The following EYS variants were observed in gnomAD, a reference collection of about 807,000 sequenced individuals.
EYS encodes protein eyes shut homolog.
EYS carries 250 observed loss-of-function variants against 282.1 expected under a neutral mutation model. The observed-to-expected ratio is 0.89, with a 90% CI of 0.80 to 0.98. EYS has a LOEUF of 0.98. Ranked by LOEUF, EYS falls within the 50% of genes least tolerant of loss-of-function variation. The pLI, the probability that EYS is intolerant of heterozygous loss-of-function variation, is 0.00. For synonymous variants in EYS, 1,355 were observed against 1,282.9 expected (o/e 1.06, Z -1.20); for missense variants, 4,016 against 3,709.0 (o/e 1.08, Z -2.15).
At chr6:65,269,099 G>A (rs982957265) in intron 12 of EYS, among the ~76,000 whole-genome samples, 14 of 152,044 alleles carry the variant, frequency 9.2e-5, no homozygotes. Context: ...TCTAGGCTCT[G>A]TTTGTCAGTA....
At chr6:64,581,202 G>T (rs1344758936) in intron 26 of EYS, among the ~76,000 whole-genome samples, 1 of 152,124 alleles carries the variant, frequency 6.6e-6, no homozygotes, top group African/African-American at 2.4e-5. Flanking sequence ...GAAAGAGAGT[G>T]ATGGGAAACA....
At chr6:64,542,159 TCAA>T (rs1364773294) in intron 26 of EYS, among the ~76,000 whole-genome samples, 1 of 152,090 alleles carries the variant, frequency 6.6e-6, no homozygotes, top group African/African-American at 2.4e-5. Context: ...GATGAGCAAA[TCAA>T]CAAGTTCAGT....
chr6:65,637,764 G>A (rs1373464386), intron 2 of EYS, among the ~76,000 whole-genome samples: 2 of 152,178 alleles, frequency 1.3e-5, no homozygotes, highest in Non-Finnish European at 2.9e-5. Context: ...GCTCCCTGCT[G>A]CCTCAGCCTC....
chr6:64,846,266 C>A (rs1394793976), intron 19 of EYS, among the ~76,000 whole-genome samples: 1 of 152,090 alleles, frequency 6.6e-6, no homozygotes, highest in East Asian at 1.9e-4. Flanking sequence ...GAAAGAACAG[C>A]TTTAAAATGT....
At chr6:65,006,139 T>C (rs2150130194) in intron 13 of EYS, among the ~76,000 whole-genome samples, 1 of 152,024 alleles carries the variant, frequency 6.6e-6, no homozygotes, top group Non-Finnish European at 1.5e-5. Flanking sequence ...GGCAGTTACG[T>C]GGGACCCGTT....
chr6:64,309,934 C>T (rs1769611566), intron 29 of EYS, among the ~76,000 whole-genome samples: 1 of 149,226 alleles, frequency 6.7e-6, no homozygotes, highest in Non-Finnish European at 1.5e-5. Context: ...CACTGCCCTC[C>T]AGCCTGGTGA....
chr6:64,766,631 CA>C (rs1173014436), intron 22 of EYS, among the ~76,000 whole-genome samples: 7 of 14,842 alleles, frequency 4.7e-4, no homozygotes, highest in African/African-American at 1.0e-3. Context: ...AACTCCGTCT[CA>C]AAAAAAAAAA....
intron 8 of EYS, among the ~76,000 whole-genome samples, chr6:65,380,957 G>A (rs1391628417): frequency 6.6e-6 from 1 of 151,868 alleles, no homozygotes; most frequent in African/African-American, 2.4e-5. Context: ...TCATTAAAAC[G>A]TGGAAATAAT....
At chr6:63,779,898 T>A (rs1770169013) in intron 39 of EYS, among the ~76,000 whole-genome samples, 1 of 152,028 alleles carries the variant, frequency 6.6e-6, no homozygotes, top group African/African-American at 2.4e-5. Flanking sequence ...CCCTCCGCAC[T>A]CCCCCGACCC....
intron 7 of EYS, among the ~76,000 whole-genome samples, chr6:65,391,902 G>C (rs1239151381): frequency 1.3e-5 from 2 of 152,068 alleles, no homozygotes; most frequent in African/African-American, 4.8e-5. Context: ...GAGGCATCAC[G>C]CTACCTGACT....
chr6:64,951,101 C>A (rs74563290), intron 14 of EYS, among the ~76,000 whole-genome samples: 45 of 151,662 alleles, frequency 3.0e-4, no homozygotes, highest in African/African-American at 1.1e-3. Flanking sequence ...AGTGAGCCCA[C>A]AATTTGATCA....
intron 40 of EYS, among the ~76,000 whole-genome samples, chr6:63,769,848 CTG>C (rs1428803111): frequency 6.6e-6 from 1 of 151,892 alleles, no homozygotes; most frequent in Non-Finnish European, 1.5e-5. Context: ...AAGTCTAAGA[CTG>C]TAAGAGTTTA....
At chr6:64,485,979 G>A (rs771763821) in intron 26 of EYS, among the ~76,000 whole-genome samples, 2 of 151,248 alleles carry the variant, frequency 1.3e-5, no homozygotes, top group Non-Finnish European at 3.0e-5. Flanking sequence ...AGAGAAAATA[G>A]ACAAAGGAAA....
intron 26 of EYS, among the ~76,000 whole-genome samples, chr6:64,537,130 T>C (rs1347822168): frequency 6.7e-6 from 1 of 149,992 alleles, no homozygotes; most frequent in African/African-American, 2.5e-5. Flanking sequence ...TAGCATTAGG[T>C]ATAACTCCCA....
intron 31 of EYS, among the ~76,000 whole-genome samples, chr6:64,145,298 G>A (rs1774474678): frequency 1.3e-5 from 2 of 152,122 alleles, no homozygotes; most frequent in Non-Finnish European, 2.9e-5. Context: ...TTAGAAGAAA[G>A]ACTAATCTGA....
At chr6:63,788,532 C>T (rs1770425950) in intron 38 of EYS, among the ~76,000 whole-genome samples, 1 of 152,150 alleles carries the variant, frequency 6.6e-6, no homozygotes, top group South Asian at 2.1e-4. Context: ...TAGCCTTCCT[C>T]CTCTGCTATC....
chr6:65,355,053 C>T (rs1764427998), intron 8 of EYS, among the ~76,000 whole-genome samples: 1 of 151,968 alleles, frequency 6.6e-6, no homozygotes, highest in East Asian at 1.9e-4. Context: ...TTTGGGTCCT[C>T]ATTGTGATAG....
At chr6:64,016,596 C>T (rs1768904822) in intron 33 of EYS, among the ~76,000 whole-genome samples, 1 of 151,798 alleles carries the variant, frequency 6.6e-6, no homozygotes, top group Admixed American at 6.6e-5. Flanking sequence ...CTGCCTCAGA[C>T]TCCCAAGTAG....
At chr6:63,758,081 T>C (rs532212798) in intron 41 of EYS, among the ~76,000 whole-genome samples, 55 of 152,224 alleles carry the variant, frequency 3.6e-4, no homozygotes, top group African/African-American at 1.3e-3. Context: ...TCTATTTTTT[T>C]TGTAGAGATG....
Sources: gnomAD v4.1 joint callset for allele counts (sites outside exome capture counted in the v4.1 genomes callset) on GRCh38, gnomAD v4.1.1 for gene constraint, MANE v1.5 for transcripts, NCBI Gene and HGNC (gene_info 2026-07-23, HGNC 2026-07-21) for gene names.